The following CELF2 variants were observed in gnomAD, a reference collection of about 807,000 sequenced individuals.
CELF2 encodes the protein CUGBP Elav-like family member 2.
In CELF2, 8 loss-of-function variants were observed where a neutral mutation model predicts 62.6. The observed-to-expected ratio is 0.13, with a 90% CI of 0.07 to 0.23. CELF2 has a LOEUF of 0.23. Among genes scored for constraint, CELF2 ranks in the 10% least tolerant of loss-of-function variants. CELF2 has a pLI of 1.00. For missense variants in CELF2, 333 were observed against 671.0 expected, an observed-to-expected ratio of 0.50 and a Z score of 5.56; for synonymous variants, 258 against 250.0, an observed-to-expected ratio of 1.03 and a Z score of -0.30.
intron 2 of CELF2, among the ~76,000 whole-genome samples, chr10:10,930,866 C>G (rs2065985276): frequency 6.6e-6 from 1 of 152,108 alleles, no homozygotes. Context: ...AAAGCACACC[C>G]ATGTTAGTTA....
chr10:10,596,962 T>C, the CELF2 span, among the ~76,000 whole-genome samples: 4 of 152,124 alleles, frequency 2.6e-5, no homozygotes, highest in Non-Finnish European at 5.9e-5. Context: ...TGGTGGTTCC[T>C]CAAGGGTCAC....
the CELF2 span, among the ~76,000 whole-genome samples, chr10:10,633,005 A>G: frequency 1.3e-5 from 2 of 152,216 alleles, no homozygotes; most frequent in Non-Finnish European, 2.9e-5. Flanking sequence ...AAGGCTGCAT[A>G]GAATTCCATT....
At chr10:10,626,911 C>T in the CELF2 span, among the ~76,000 whole-genome samples, 2 of 152,120 alleles carry the variant, frequency 1.3e-5, no homozygotes, top group Non-Finnish European at 2.9e-5. Context: ...TTTTTGTTTC[C>T]AGCATTCCTT....
At chr10:11,164,988 TTTA>T (rs2066626933) in intron 1 of CELF2, 8 of 859,076 alleles carry the variant, frequency 9.3e-6, no homozygotes, top group Non-Finnish European at 1.1e-5. Flanking sequence ...TCCATGTGAC[TTTA>T]TTATTACCAC....
At chr10:10,689,839 A>G in the CELF2 span, among the ~76,000 whole-genome samples, 5 of 152,242 alleles carry the variant, frequency 3.3e-5, no homozygotes, top group South Asian at 2.1e-4. Flanking sequence ...ACAAAATTCT[A>G]TATCTATACA....
chr10:10,612,979 C>T, the CELF2 span, among the ~76,000 whole-genome samples: 1 of 152,180 alleles, frequency 6.6e-6, no homozygotes, highest in Non-Finnish European at 1.5e-5. Flanking sequence ...ATCCAGTTAG[C>T]ATGAAGTGCC....
the CELF2 span, among the ~76,000 whole-genome samples, chr10:10,525,465 A>G: frequency 2.0e-5 from 3 of 152,192 alleles, no homozygotes; most frequent in African/African-American, 7.2e-5. Context: ...AAAAGATTGA[A>G]CATCCCTACC....
chr10:10,588,483 C>A, the CELF2 span, among the ~76,000 whole-genome samples: 1 of 152,124 alleles, frequency 6.6e-6, no homozygotes, highest in Non-Finnish European at 1.5e-5. Flanking sequence ...TGGGATTGTA[C>A]CACCCTGGGA....
chr10:10,967,280 G>A (rs1277735350), intron 2 of CELF2, among the ~76,000 whole-genome samples: 3 of 152,212 alleles, frequency 2.0e-5, no homozygotes, highest in African/African-American at 7.2e-5. Flanking sequence ...TGGTACGAGA[G>A]TAGGTTCCAG....
At chr10:10,510,979 G>A in the CELF2 span, among the ~76,000 whole-genome samples, 2 of 152,242 alleles carry the variant, frequency 1.3e-5, no homozygotes, top group African/African-American at 4.8e-5. Context: ...TAAGGTGAAA[G>A]GGAACTCAGA....
intron 1 of CELF2, among the ~76,000 whole-genome samples, chr10:11,072,991 G>T (rs1315485328): frequency 6.6e-6 from 1 of 151,600 alleles, no homozygotes; most frequent in Admixed American, 6.6e-5. Flanking sequence ...TATATTATAA[G>T]TTATTACACA....
At chr10:10,747,961 A>T in the CELF2 span, among the ~76,000 whole-genome samples, 1 of 152,188 alleles carries the variant, frequency 6.6e-6, no homozygotes, top group Admixed American at 6.5e-5. Flanking sequence ...TTTTATTAGA[A>T]GGGCCAAATG....
intron 1 of CELF2, among the ~76,000 whole-genome samples, chr10:10,811,603 A>T (rs2055898859): frequency 6.6e-6 from 1 of 152,124 alleles, no homozygotes; most frequent in Non-Finnish European, 1.5e-5. Flanking sequence ...GGAGGAAGGG[A>T]TCACCATTAT....
intron 2 of CELF2, chr10:10,946,589 CTTT>C (rs2047711251): frequency 6.6e-6 from 1 of 152,394 alleles, no homozygotes; most frequent in South Asian, 2.1e-4. Flanking sequence ...TATATGTTCT[CTTT>C]TTCTTTTCCT....
chr10:10,991,701 C>G (rs2053460290), intron 2 of CELF2, among the ~76,000 whole-genome samples: 1 of 152,164 alleles, frequency 6.6e-6, no homozygotes, highest in African/African-American at 2.4e-5. Flanking sequence ...GCCACTGCAG[C>G]TGCCCCCAAA....
At position 10,859,269 on chromosome 10, in the gene CELF2, G is replaced by T. The variant is rs368994977; in HGVS notation, c.53+60452G>T. ...CAAGGCTTGGTTGAGGGCTCAGGTT[G>T]ATCAAGATAGTTAATTTTTATTATC... On this transcript the variant is annotated intron_variant, in intron 1 of 13. Transcript: ENST00000636488. Among the ~76,000 whole-genome samples, 619 of 152,188 alleles carry T rather than the reference G, an allele frequency of 4.1e-3. 7 individuals are homozygous for T. The highest frequency in any genetic ancestry group is 0.017 in the South Asian group (81 of 4,816).
At chr10:10,919,234 T>C (rs2064643877) in intron 1 of CELF2, among the ~76,000 whole-genome samples, 1 of 151,306 alleles carries the variant, frequency 6.6e-6, no homozygotes, top group African/African-American at 2.4e-5. Flanking sequence ...CACGCCAGTG[T>C]ACTCTAGCCT....
chr10:11,161,492 A>G (rs2065722790), intron 1 of CELF2, among the ~76,000 whole-genome samples: 1 of 152,242 alleles, frequency 6.6e-6, no homozygotes, highest in South Asian at 2.1e-4. Context: ...CTGCATTCAC[A>G]TTCTCTAGGC....
In CELF2 at chr10:10,944,013, T is replaced by C. The variant is rs116131640; in HGVS notation, c.89+24014T>C. Among the ~76,000 whole-genome samples, 596 of 152,330 alleles carry C rather than the reference T, an allele frequency of 3.9e-3. 7 individuals are homozygous for C. The highest frequency in any genetic ancestry group is 0.014 in the African/African-American group (574 of 41,568). On this transcript the variant is annotated intron_variant, in intron 2 of 13. Transcript: ENST00000636488. Reference sequence around the variant, plus strand: ...AAGGGAAGGCAAGCTGAGTCCATACTTAACTATGAAATAACATAGTAGAAG... The same window carrying C: ...AAGGGAAGGCAAGCTGAGTCCATACCTAACTATGAAATAACATAGTAGAAG...
Sources: gnomAD v4.1 joint callset for allele counts (sites outside exome capture counted in the v4.1 genomes callset) on GRCh38, gnomAD v4.1.1 for gene constraint, MANE v1.5 for transcripts, NCBI Gene and HGNC (gene_info 2026-07-23, HGNC 2026-07-21) for gene names.